The following STK38L variants were observed in gnomAD, a reference collection of about 807,000 sequenced individuals.
STK38L encodes the protein serine/threonine kinase 38 like, also known as serine/threonine-protein kinase 38-like.
In STK38L, 28 loss-of-function variants were observed where a neutral mutation model predicts 59.7. The observed-to-expected ratio is 0.47, with a 90% CI of 0.35 to 0.64. STK38L has a LOEUF of 0.64. STK38L is among the 30% of genes least tolerant of loss of function. The pLI is 0.01. For synonymous variants in STK38L, 162 were observed against 176.8 expected, an observed-to-expected ratio of 0.92 and a Z score of 0.66; for missense variants, 314 against 555.8, an observed-to-expected ratio of 0.56 and a Z score of 4.37.
intron 1 of STK38L, among the ~76,000 whole-genome samples, chr12:27,268,043 G>A (rs1943336350): frequency 6.6e-6 from 1 of 152,100 alleles, no homozygotes; most frequent in South Asian, 2.1e-4. Flanking sequence ...TATTACCATT[G>A]TATTTAATCC....
At chr12:27,320,305 C>T (rs538774538) in intron 12 of STK38L, among the ~76,000 whole-genome samples, 5 of 152,158 alleles carry the variant, frequency 3.3e-5, no homozygotes, top group East Asian at 3.9e-4. Flanking sequence ...CTCACTCTGT[C>T]GCCCAGGCTG....
At chr12:27,273,193 C>G (rs1205152461) in intron 1 of STK38L, among the ~76,000 whole-genome samples, 1 of 150,658 alleles carries the variant, frequency 6.6e-6, no homozygotes, top group Non-Finnish European at 1.5e-5. Flanking sequence ...TTTATTGATC[C>G]CTGTAAGTGG....
intron 1 of STK38L, among the ~76,000 whole-genome samples, chr12:27,269,827 G>C (rs146559012): frequency 3.3e-5 from 5 of 152,114 alleles, no homozygotes; most frequent in African/African-American, 7.2e-5. Flanking sequence ...ATTTTTAGTA[G>C]AGACGTTGTT....
chr12:27,315,103 C>T lies in STK38L; in HGVS notation c.761C>T (p.Pro254Leu), dbSNP rs758962045. 5 of 1,613,416 alleles carry T rather than the reference C, an allele frequency of 3.1e-6. No individual in the cohort carries two copies. The highest frequency in any genetic ancestry group is 4.2e-6 in the Non-Finnish European group (5 of 1,179,620). Residue 254 changes from proline (P) to leucine (L), a missense_variant, in exon 8 of 14, where the codon CCA becomes CTA. By Grantham distance (98) the Pro-to-Leu change is moderately conservative. Around this residue, in one of 3 missense-constraint regions of STK38L, gnomAD observed 192 missense variants for 316.9 expected, o/e 0.61. Coordinates refer to ENST00000389032, the MANE Select transcript of STK38L (RefSeq NM_015000.4). ...TTTTATAGAAATCTCACACACAACC[C>T]ACCAAGTGACTTCTGTAAGTTTGGT... ...TEFYRNLTHN[P>L]PSDFSFQNMN... is the part of the protein sequence containing the mutation.
chr12:27,266,929 G>A (rs1943313112), intron 1 of STK38L, among the ~76,000 whole-genome samples: 1 of 152,164 alleles, frequency 6.6e-6, no homozygotes, highest in Non-Finnish European at 1.5e-5. Flanking sequence ...TTGACTCCTA[G>A]AACCTGTTTT....
At chr12:27,306,626 A>G (rs1944319470) in intron 3 of STK38L, among the ~76,000 whole-genome samples, 1 of 151,970 alleles carries the variant, frequency 6.6e-6, no homozygotes, top group Non-Finnish European at 1.5e-5. Context: ...ATATCAATGT[A>G]ATTTTAGCTC....
chr12:27,255,940 A>C (rs761069682), intron 1 of STK38L, among the ~76,000 whole-genome samples: 1 of 152,166 alleles, frequency 6.6e-6, no homozygotes, highest in Non-Finnish European at 1.5e-5. Context: ...CTCCCTTCAC[A>C]GAGCCATTCT....
At chr12:27,306,752 C>CACACACAT (rs1491536388) in intron 3 of STK38L, among the ~76,000 whole-genome samples, 1 of 139,636 alleles carries the variant, frequency 7.2e-6, no homozygotes, top group Non-Finnish European at 1.6e-5. Context: ...CACACACACA[C>CACACACAT]ATATATTTGA....
chr12:27,273,804 A>C (rs1485742267), intron 1 of STK38L, among the ~76,000 whole-genome samples: 4 of 152,214 alleles, frequency 2.6e-5, no homozygotes, highest in Non-Finnish European at 5.9e-5. Flanking sequence ...TAGATAATCT[A>C]CCTTTCTGTG....
chr12:27,250,918 C>T (rs959857265), intron 1 of STK38L, among the ~76,000 whole-genome samples: 1 of 148,938 alleles, frequency 6.7e-6, no homozygotes, highest in African/African-American at 2.5e-5. Context: ...AGAATGGCGT[C>T]AACCCGGGAG....
intron 5 of STK38L, among the ~76,000 whole-genome samples, chr12:27,309,818 C>T (rs983362243): frequency 6.6e-6 from 1 of 152,188 alleles, no homozygotes; most frequent in Non-Finnish European, 1.5e-5. Context: ...GTTCTCAGCT[C>T]CCAGAATCCC....
chr12:27,283,327 C>G (rs182177527), intron 1 of STK38L, among the ~76,000 whole-genome samples: 1 of 152,184 alleles, frequency 6.6e-6, no homozygotes, highest in Non-Finnish European at 1.5e-5. Flanking sequence ...GAGTACTTGA[C>G]TGAGTCTTAG....
chr12:27,316,737 CCT>C (rs2136651172), intron 9 of STK38L, among the ~76,000 whole-genome samples: 1 of 152,144 alleles, frequency 6.6e-6, no homozygotes, highest in Admixed American at 6.5e-5. Context: ...TAAGCAGTAC[CCT>C]GGAATTACAT....
chr12:27,284,539 C>T (rs1943728638), intron 1 of STK38L, among the ~76,000 whole-genome samples: 1 of 152,120 alleles, frequency 6.6e-6, no homozygotes, highest in African/African-American at 2.4e-5. Context: ...AATCTTAGAC[C>T]TGTAGTAGAG....
chr12:27,301,000 G>A (rs1326697936), intron 2 of STK38L, among the ~76,000 whole-genome samples: 3 of 152,176 alleles, frequency 2.0e-5, no homozygotes, highest in Non-Finnish European at 4.4e-5. Flanking sequence ...ACACACTCCA[G>A]AACTAATTAG....
rs924408973 is a variant in STK38L at position 27,258,742 on chromosome 12, A to G, written c.-12+14410A>G. ...CTATTAAATTTTATTTGTTACAGTTAATATTCTGTTAAAATTGTTTTAGAT... is the reference window on the plus strand; with the variant it reads ...CTATTAAATTTTATTTGTTACAGTTGATATTCTGTTAAAATTGTTTTAGAT... On this transcript the variant is annotated intron_variant, in intron 1 of 13. Transcript: ENST00000389032. Among the ~76,000 whole-genome samples the G allele has an allele frequency of 1.2e-4, 18 of 152,170 alleles. No homozygotes were observed. In the South Asian group the frequency reaches 1.4e-3, roughly 12 times the overall value.
At chr12:27,247,148 A>G (rs1220177430) in intron 1 of STK38L, among the ~76,000 whole-genome samples, 1 of 152,220 alleles carries the variant, frequency 6.6e-6, no homozygotes, top group African/African-American at 2.4e-5. Context: ...GCTTCCTGCT[A>G]AATCCTTTAC....
At chr12:27,283,315 A>G (rs997063769) in intron 1 of STK38L, among the ~76,000 whole-genome samples, 1 of 152,216 alleles carries the variant, frequency 6.6e-6, no homozygotes, top group African/African-American at 2.4e-5. Flanking sequence ...TTAACATTTA[A>G]TGAGTACTTG....
rs908606311 is a variant in STK38L, at chr12:27,254,596, G to C, written c.-12+10264G>C. On this transcript the variant is annotated intron_variant, in intron 1 of 13. Transcript: ENST00000389032. The stretch of plus-strand genomic sequence containing the variant: ...TTGGACCACTGAAACAGAATATAAA[G>C]TTGTTTTCTAAGGACAACCAAAAAG... 3.3e-5 allele frequency among the ~76,000 whole-genome samples: 5 copies of C among 152,156 alleles called. No individual in the cohort carries two copies. In the Middle Eastern group the frequency reaches 0.014, roughly 414 times the overall value.
Sources: allele counts gnomAD v4.1 joint callset (sites outside exome capture counted in the v4.1 genomes callset), GRCh38; gene constraint gnomAD v4.1.1; regional missense constraint gnomAD v4.1.1; transcripts MANE v1.5; gene names NCBI Gene and HGNC (gene_info 2026-07-23, HGNC 2026-07-21).